KDM4C: variants seen among roughly 807,000 people sequenced by gnomAD.
The protein encoded by KDM4C is lysine-specific demethylase 4C.
In KDM4C, 81 loss-of-function variants were observed where a neutral mutation model predicts 129.3. The ratio of observed to expected loss-of-function variants is 0.63; its 90% CI spans 0.52 to 0.75. The LOEUF (loss-of-function observed/expected upper bound fraction) is 0.75, where lower values mean the gene tolerates loss of function less well. Ranked by LOEUF, KDM4C falls within the 30% of genes least tolerant of loss-of-function variation. The pLI, the probability that KDM4C is intolerant of heterozygous loss-of-function variation, is 0.00. For synonymous variants in KDM4C, 573 were observed against 456.1 expected, an observed-to-expected ratio of 1.26 and a Z score of -3.26; for missense variants, 1,457 against 1,304.0, an observed-to-expected ratio of 1.12 and a Z score of -1.81.
At chr9:6,803,519 G>A (rs982575406) in intron 2 of KDM4C, among the ~76,000 whole-genome samples, 1 of 151,074 alleles carries the variant, frequency 6.6e-6, no homozygotes, top group Admixed American at 6.6e-5. Flanking sequence ...GCGGTGAGCC[G>A]AGATTGGGCC....
chr9:7,152,980 G>A (rs1042465835), intron 19 of KDM4C, among the ~76,000 whole-genome samples: 11 of 152,030 alleles, frequency 7.2e-5, no homozygotes, highest in African/African-American at 2.4e-4. Context: ...CTCCAAATGT[G>A]GTGACAGTGA....
chr9:7,041,383 G>C (rs916886108), intron 15 of KDM4C, among the ~76,000 whole-genome samples: 1 of 151,912 alleles, frequency 6.6e-6, no homozygotes, highest in East Asian at 1.9e-4. Flanking sequence ...GTATCTGTGA[G>C]GGGTCTTGGA....
intron 12 of KDM4C, among the ~76,000 whole-genome samples, chr9:6,997,739 C>T (rs1397276899): frequency 6.6e-6 from 1 of 152,174 alleles, no homozygotes; most frequent in African/African-American, 2.4e-5. Flanking sequence ...GAGGCTTGGT[C>T]ATGAATGATA....
chr9:6,888,257 G>A (rs1845581287), intron 7 of KDM4C, among the ~76,000 whole-genome samples, 194 bp downstream of exon 7: 2 of 152,048 alleles, frequency 1.3e-5, no homozygotes, highest in African/African-American at 4.8e-5. Flanking sequence ...ATTTACTAGA[G>A]ATTTCATGTT....
intron 3 of KDM4C, among the ~76,000 whole-genome samples, chr9:6,812,232 CAAAA>C: frequency 1.0e-5 from 1 of 96,308 alleles, no homozygotes. Context: ...ACAAGACTCT[CAAAA>C]AAAAAAAAAA....
intron 15 of KDM4C, among the ~76,000 whole-genome samples, chr9:7,021,425 G>A (rs531568868): frequency 8.5e-5 from 13 of 152,288 alleles, no homozygotes; most frequent in African/African-American, 2.6e-4. Context: ...GATTACAGGC[G>A]TGAGCCACTG....
At chr9:6,936,551 C>T (rs1400939751) in intron 8 of KDM4C, among the ~76,000 whole-genome samples, 1 of 152,102 alleles carries the variant, frequency 6.6e-6, no homozygotes, top group Non-Finnish European at 1.5e-5. Context: ...GTGAAAATTT[C>T]CCATGAGAAA....
intron 11 of KDM4C, chr9:6,986,936 G>A (rs1028655716): frequency 5.7e-6 from 2 of 348,840 alleles, no homozygotes; most frequent in African/African-American, 2.1e-5. Flanking sequence ...TTTACTTTGA[G>A]GTAATTGTAG....
At chr9:6,927,666 A>T (rs112955628) in intron 8 of KDM4C, among the ~76,000 whole-genome samples, 3,362 of 152,246 alleles carry the variant, frequency 0.022, 46 homozygotes, top group Middle Eastern at 0.041. Context: ...TGCTCTTGGG[A>T]GAAATCACAA....
intron 1 of KDM4C, among the ~76,000 whole-genome samples, chr9:6,772,315 A>G (rs1822020178): frequency 6.6e-6 from 1 of 151,392 alleles, no homozygotes; most frequent in Admixed American, 6.6e-5. Context: ...ATGCCTGGCT[A>G]ATTTTTGTAT....
At chr9:6,954,031 G>A (rs1828634368) in intron 8 of KDM4C, among the ~76,000 whole-genome samples, 2 of 152,018 alleles carry the variant, frequency 1.3e-5, no homozygotes, top group South Asian at 4.2e-4. Context: ...TTGCGCATAG[G>A]ACTTCTTTGC....
At chr9:6,748,431 T>C (rs1378380805) in intron 1 of KDM4C, among the ~76,000 whole-genome samples, 1 of 150,978 alleles carries the variant, frequency 6.6e-6, no homozygotes, top group Non-Finnish European at 1.5e-5. Flanking sequence ...CGCTTGAACC[T>C]GGGAGGTGGA....
intron 5 of KDM4C, among the ~76,000 whole-genome samples, chr9:6,867,743 A>T (rs995068298): frequency 6.6e-6 from 1 of 152,216 alleles, no homozygotes; most frequent in African/African-American, 2.4e-5. Context: ...CTAGGTGTCA[A>T]TAATACCATG....
At chr9:6,979,067 C>A (rs1204855260) in intron 8 of KDM4C, among the ~76,000 whole-genome samples, 1 of 152,148 alleles carries the variant, frequency 6.6e-6, no homozygotes, top group Admixed American at 6.5e-5. Flanking sequence ...AAGTGGGGAG[C>A]ATCACTTTTG....
intron 17 of KDM4C, among the ~76,000 whole-genome samples, chr9:7,075,306 T>A (rs902315730): frequency 6.6e-6 from 1 of 152,222 alleles, no homozygotes; most frequent in Non-Finnish European, 1.5e-5. Context: ...TGTTTCATCT[T>A]CTATGGTTTC....
intron 5 of KDM4C, among the ~76,000 whole-genome samples, chr9:6,854,636 A>C (rs1164098748): frequency 6.6e-6 from 1 of 152,154 alleles, no homozygotes; most frequent in Non-Finnish European, 1.5e-5. Context: ...AAAGGTCTAA[A>C]ATCAGGAAAG....
chr9:6,865,218 C>T (rs1281499567), intron 5 of KDM4C, among the ~76,000 whole-genome samples: 1 of 152,084 alleles, frequency 6.6e-6, no homozygotes, highest in Non-Finnish European at 1.5e-5. Context: ...CCGTGTTTGC[C>T]AGGATGGTCT....
intron 8 of KDM4C, among the ~76,000 whole-genome samples, chr9:6,941,053 G>A (rs549251591): frequency 2.4e-4 from 36 of 148,142 alleles, no homozygotes; most frequent in Non-Finnish European, 3.0e-5. Flanking sequence ...TTTTTTTGGA[G>A]AAAGTCTTGC....
intron 8 of KDM4C, among the ~76,000 whole-genome samples, chr9:6,974,251 T>C (rs948614927): frequency 3.3e-5 from 5 of 152,202 alleles, no homozygotes; most frequent in South Asian, 2.1e-4. Flanking sequence ...CCTGAAAGAC[T>C]CTCTAACAAG....
Sources: gnomAD v4.1 joint callset for allele counts (sites outside exome capture counted in the v4.1 genomes callset) on GRCh38, gnomAD v4.1.1 for gene constraint, MANE v1.5 for transcripts, NCBI Gene and HGNC (gene_info 2026-07-23, HGNC 2026-07-21) for gene names.